Variants in NELL1 observed in about 807,000 individuals in gnomAD.
NELL1 encodes the protein neural EGFL like 1, also known as protein kinase C-binding protein NELL1.
In NELL1, 76 loss-of-function variants were observed where a neutral mutation model predicts 107.4. That is an observed-to-expected ratio of 0.71 (90% CI 0.59 to 0.86). The LOEUF is 0.86. Among genes scored for constraint, NELL1 ranks in the 40% least tolerant of loss-of-function variants. The pLI, the probability that NELL1 is intolerant of heterozygous loss-of-function variation, is 0.00. For synonymous variants in NELL1, 353 were observed against 341.2 expected, an observed-to-expected ratio of 1.03 and a Z score of -0.38; for missense variants, 1,024 against 1,005.5, an observed-to-expected ratio of 1.02 and a Z score of -0.25.
rs531571397 is a variant in NELL1 at position 20,747,725 on chromosome 11, G to A, written c.185-35955G>A. Among the ~76,000 whole-genome samples, 8 of 152,276 alleles carry A rather than the reference G, an allele frequency of 5.3e-5. No homozygotes were observed. The East Asian group carries it at 1.4e-3, about 26-fold the overall frequency. The stretch of plus-strand genomic sequence containing the variant: ...CACATCATAGCAGAAGGCATTTATT[G>A]CAGAGGGCAGCACTTGAGGTCATGG... On this transcript the variant is annotated intron_variant, in intron 2 of 19. Transcript: ENST00000357134.
At chr11:20,888,719 T>C (rs1849559393) in intron 5 of NELL1, among the ~76,000 whole-genome samples, 1 of 152,174 alleles carries the variant, frequency 6.6e-6, no homozygotes, top group Non-Finnish European at 1.5e-5. Context: ...TTTTTTCTGC[T>C]TTGACCTGGC....
intron 15 of NELL1, among the ~76,000 whole-genome samples, chr11:21,435,672 T>C (rs1397435576): frequency 6.6e-6 from 1 of 152,150 alleles, no homozygotes; most frequent in African/African-American, 2.4e-5. Context: ...TTGGGATAAA[T>C]CCCATTTGAT....
At chr11:21,330,960 G>A (rs1850260178) in intron 14 of NELL1, among the ~76,000 whole-genome samples, 1 of 151,862 alleles carries the variant, frequency 6.6e-6, no homozygotes, top group African/African-American at 2.4e-5. Context: ...CTGTCTCCAG[G>A]TTAGCTGATT....
intron 2 of NELL1, among the ~76,000 whole-genome samples, chr11:20,697,085 G>A (rs577885814): frequency 3.9e-5 from 6 of 152,246 alleles, no homozygotes; most frequent in African/African-American, 1.4e-4. Context: ...TTACAAGGAG[G>A]CAACTTTAGA....
chr11:21,001,542 A>G (rs1197163769), intron 12 of NELL1, among the ~76,000 whole-genome samples: 1 of 151,882 alleles, frequency 6.6e-6, no homozygotes. Flanking sequence ...GTTACATTCC[A>G]GATATCCCTG....
intron 14 of NELL1, among the ~76,000 whole-genome samples, chr11:21,283,094 A>G (rs574803445): frequency 6.6e-6 from 1 of 152,278 alleles, no homozygotes; most frequent in South Asian, 2.1e-4. Flanking sequence ...AGAATGAATA[A>G]GACCTAGTAT....
At chr11:21,251,742 C>A (rs1858643425) in intron 14 of NELL1, among the ~76,000 whole-genome samples, 1 of 151,976 alleles carries the variant, frequency 6.6e-6, no homozygotes, top group Admixed American at 6.6e-5. Flanking sequence ...TAAACTTTGG[C>A]AATGACATGA....
In NELL1 at chr11:20,807,654, TG is replaced by T. The variant is rs1857413488; in HGVS notation, c.335+23827del. Among the ~76,000 whole-genome samples the T allele has an allele frequency of 3.3e-5, 5 of 152,300 alleles. No homozygotes were observed. In the South Asian group the frequency reaches 1.0e-3, roughly 32 times the overall value. The stretch of plus-strand genomic sequence containing the variant: ...CTGTGCAGCAAGTTCCCCTGGGCCC[TG>T]GGTGGGTCCAGAGATTCCATCTGGG... On this transcript the variant is annotated intron_variant, in intron 3 of 19. Coordinates refer to ENST00000357134, the MANE Select transcript of NELL1 (RefSeq NM_006157.5).
At chr11:21,040,771 G>A (rs1481059530) in intron 12 of NELL1, among the ~76,000 whole-genome samples, 2 of 152,114 alleles carry the variant, frequency 1.3e-5, no homozygotes, top group Admixed American at 6.6e-5. Flanking sequence ...ATCTTGGATT[G>A]TTAGAAAAAA....
intron 3 of NELL1, among the ~76,000 whole-genome samples, chr11:20,826,940 A>G (rs1857897891): frequency 6.6e-6 from 1 of 151,254 alleles, no homozygotes; most frequent in African/African-American, 2.4e-5. Context: ...TGTTTTCGAT[A>G]TGCGATAACA....
chr11:20,941,279 C>A (rs1437140054), intron 10 of NELL1, among the ~76,000 whole-genome samples: 1 of 152,114 alleles, frequency 6.6e-6, no homozygotes, highest in African/African-American at 2.4e-5. Context: ...GAAAATCTAC[C>A]CCCCTGTAAC....
chr11:21,549,738 C>T (rs766983138), intron 16 of NELL1, among the ~76,000 whole-genome samples: 10 of 151,712 alleles, frequency 6.6e-5, no homozygotes, highest in Non-Finnish European at 1.5e-4. Flanking sequence ...TTAAAGATAC[C>T]AGCAGTATTA....
intron 14 of NELL1, among the ~76,000 whole-genome samples, chr11:21,347,035 A>ATGCTGC (rs543294427): frequency 6.6e-5 from 10 of 152,334 alleles, no homozygotes; most frequent in East Asian, 3.8e-4. Flanking sequence ...AAACTTAACA[A>ATGCTGC]TGCTGCTGCT....
chr11:20,749,756 C>T (rs1451766383), intron 2 of NELL1, among the ~76,000 whole-genome samples: 3 of 152,138 alleles, frequency 2.0e-5, no homozygotes, highest in Non-Finnish European at 2.9e-5. Flanking sequence ...CTTCCTGACA[C>T]TTCATCTACC....
chr11:20,916,778 T>C (rs2063942505), intron 5 of NELL1, among the ~76,000 whole-genome samples: 1 of 151,914 alleles, frequency 6.6e-6, no homozygotes, highest in Non-Finnish European at 1.5e-5. Context: ...AATGAAAGCA[T>C]AGATGTCTAA....
chr11:21,085,146 GA>G (rs1854360139), intron 12 of NELL1, among the ~76,000 whole-genome samples: 1 of 152,036 alleles, frequency 6.6e-6, no homozygotes, highest in Non-Finnish European at 1.5e-5. Context: ...AATATTTATT[GA>G]GTACCTATAA....
intron 15 of NELL1, among the ~76,000 whole-genome samples, chr11:21,484,311 C>T (rs768886578): frequency 6.6e-6 from 1 of 151,462 alleles, no homozygotes; most frequent in African/African-American, 2.4e-5. Context: ...GAAACCACCA[C>T]CATTTTGGTG....
intron 2 of NELL1, among the ~76,000 whole-genome samples, chr11:20,754,723 T>C (rs189672141): frequency 8.7e-4 from 133 of 152,354 alleles, no homozygotes; most frequent in African/African-American, 3.1e-3. Flanking sequence ...AAAGGAAATT[T>C]GGCTGCCTTA....
chr11:21,176,894 A>T (rs1187086346), intron 13 of NELL1, among the ~76,000 whole-genome samples: 3 of 151,744 alleles, frequency 2.0e-5, no homozygotes, highest in Non-Finnish European at 4.4e-5. Context: ...AAGGGATGTT[A>T]ATGCACTCCT....
Sources: gnomAD v4.1 joint callset for allele counts (sites outside exome capture counted in the v4.1 genomes callset) on GRCh38, gnomAD v4.1.1 for gene constraint, MANE v1.5 for transcripts, NCBI Gene and HGNC (gene_info 2026-07-23, HGNC 2026-07-21) for gene names.